VPS13A: variants seen among roughly 807,000 people sequenced by gnomAD.
VPS13A encodes the protein intermembrane lipid transfer protein VPS13A.
A neutral mutation model predicts 390.9 loss-of-function variants in VPS13A; 264 were observed. That is an observed-to-expected ratio of 0.68 (90% CI 0.61 to 0.75). The LOEUF (loss-of-function observed/expected upper bound fraction) is 0.75, where lower values mean the gene tolerates loss of function less well. Among genes scored for constraint, VPS13A ranks in the 30% least tolerant of loss-of-function variants. The pLI, the probability that VPS13A is intolerant of heterozygous loss-of-function variation, is 0.00. For missense variants in VPS13A, 3,409 were observed against 3,733.9 expected, an observed-to-expected ratio of 0.91 and a Z score of 2.27; for synonymous variants, 1,231 against 1,227.1, an observed-to-expected ratio of 1.00 and a Z score of -0.07.
At chr9:77,198,923 G>A (rs7035989) in intron 1 of VPS13A, among the ~76,000 whole-genome samples, 145,556 of 152,282 alleles carry the variant, frequency 0.96, 69,623 homozygotes, top group East Asian at 1. Flanking sequence ...TCAGCCTCTC[G>A]AAGTGCCAGG....
intron 22 of VPS13A, among the ~76,000 whole-genome samples, chr9:77,253,749 C>A (rs1587425630): frequency 6.6e-6 from 1 of 151,628 alleles, no homozygotes; most frequent in South Asian, 2.1e-4. Context: ...TTTTATTGTC[C>A]AGTTTATCTT....
chr9:77,334,224 T>A (rs929728281), intron 46 of VPS13A, among the ~76,000 whole-genome samples: 8 of 152,324 alleles, frequency 5.3e-5, no homozygotes, highest in Admixed American at 3.3e-4. Flanking sequence ...TGTTGGAAGA[T>A]AAAATTTGAA....
chr9:77,341,691 C>CTTTCTTTTTTTTTTT (rs1830824737), intron 50 of VPS13A, among the ~76,000 whole-genome samples: 1 of 37,822 alleles, frequency 2.6e-5, no homozygotes, highest in South Asian at 1.3e-3. Context: ...GACATCTTTC[C>CTTTCTTTTTTTTTTT]TTTTTTTTTT....
chr9:77,405,990 A>G lies in VPS13A; in HGVS notation c.9399+3A>G, dbSNP rs775579850. 5 of 1,613,510 alleles carry G rather than the reference A, an allele frequency of 3.1e-6. No individual in the cohort carries two copies. Among genetic ancestry groups the G allele is most frequent in the East Asian group, 2.2e-5 (1 of 44,838 alleles). ...GAAGATTGCGCATTGAAGCAAAGGT[A>G]TGTTGAATAGATTTATTTTTTGAAA... On this transcript the variant is annotated splice_donor_region_variant and intron_variant, in intron 70 of 71. Coordinates refer to ENST00000360280, the MANE Select transcript of VPS13A (RefSeq NM_033305.3).
chr9:77,227,801 C>A (rs1823606869), intron 16 of VPS13A, among the ~76,000 whole-genome samples: 1 of 151,582 alleles, frequency 6.6e-6, no homozygotes, highest in Non-Finnish European at 1.5e-5. Flanking sequence ...TCCCAAAGTG[C>A]TGGGATTATA....
At chr9:77,335,796 G>A (rs1830510393) in intron 46 of VPS13A, among the ~76,000 whole-genome samples, 1 of 152,168 alleles carries the variant, frequency 6.6e-6, no homozygotes. Flanking sequence ...ACAATGTGGT[G>A]ATTCCTCAAG....
At position 77,356,719 on chromosome 9, in the gene VPS13A, A is replaced by T. The variant is rs758912053; in HGVS notation, c.7658A>T (p.Asp2553Val). 84 of 1,610,800 alleles carry T rather than the reference A, an allele frequency of 5.2e-5. No homozygotes were observed. Among genetic ancestry groups the T allele is most frequent in the Non-Finnish European group, 7.0e-5 (82 of 1,178,138 alleles). Residue 2553 changes from aspartate (D) to valine (V), a missense_variant, in exon 55 of 72, where the codon GAT becomes GTT. Physicochemically the swap from Asp to Val is radical, Grantham distance 152. Transcript: ENST00000360280. ...TTTTTGCTTTCTTAAATAAGTTCTGATGTGGTTTGGGAAACAAAGCCCAAG... is the reference window on the plus strand; with the variant it reads ...TTTTTGCTTTCTTAAATAAGTTCTGTTGTGGTTTGGGAAACAAAGCCCAAG... ...EVAYIGITSS[D>V]VVWETKPKKK...
intron 7 of VPS13A, chr9:77,211,416 G>A (rs929763782): frequency 1.2e-4 from 19 of 152,188 alleles, no homozygotes; most frequent in African/African-American, 4.6e-4. Flanking sequence ...ACATTTATCT[G>A]TGTTACCACA....
At position 77,206,012 on chromosome 9, in the gene VPS13A, A is replaced by C; in HGVS notation, c.318A>C (p.Gln106His). The C allele has an allele frequency of 6.3e-7, 1 of 1,583,350 alleles. No homozygotes were observed. Among genetic ancestry groups the C allele is most frequent in the East Asian group, 2.3e-5 (1 of 44,158 alleles). The change falls in exon 5 of 72, where the codon CAA (glutamine) becomes CAC (histidine). Residue 106 changes from glutamine (Q) to histidine (H), a missense_variant. Coordinates refer to ENST00000360280, the MANE Select transcript of VPS13A (RefSeq NM_033305.3). ...ATGATCCTTTAAAAGAAGAGAAACA[A>C]CTCATGGAAGCAAAGCAACAGGAAC... The part of the protein sequence containing the change: ...IKYDPLKEEK[Q>H]LMEAKQQELK...
chr9:77,241,203 C>G (rs1313308807), intron 19 of VPS13A, among the ~76,000 whole-genome samples: 4 of 152,042 alleles, frequency 2.6e-5, no homozygotes. Flanking sequence ...CTGTATCCTG[C>G]TTTCTTTCCA....
chr9:77,369,730 A>G (rs1286506434), intron 63 of VPS13A, among the ~76,000 whole-genome samples: 1 of 152,194 alleles, frequency 6.6e-6, no homozygotes. Context: ...TAATCATGCA[A>G]ACTGACACCT....
intron 10 of VPS13A, among the ~76,000 whole-genome samples, chr9:77,217,989 A>G (rs1822960099): frequency 6.6e-6 from 1 of 151,938 alleles, no homozygotes; most frequent in African/African-American, 2.4e-5. Flanking sequence ...TGTCTTTTTA[A>G]TAAAAAAGAC....
At chr9:77,301,053 G>A (rs890693295) in intron 33 of VPS13A, among the ~76,000 whole-genome samples, 2 of 152,206 alleles carry the variant, frequency 1.3e-5, no homozygotes, top group African/African-American at 2.4e-5. Flanking sequence ...GAGCACGTAG[G>A]AAAGGTGTAT....
At chr9:77,369,952 G>A (rs1832655403) in intron 63 of VPS13A, among the ~76,000 whole-genome samples, 1 of 152,204 alleles carries the variant, frequency 6.6e-6, no homozygotes, top group South Asian at 2.1e-4. Flanking sequence ...CTTATCAAGA[G>A]TAGTTTGAAC....
intron 17 of VPS13A, among the ~76,000 whole-genome samples, chr9:77,234,170 G>GTTAA (rs1191969881): frequency 6.6e-6 from 1 of 152,022 alleles, no homozygotes; most frequent in Non-Finnish European, 1.5e-5. Flanking sequence ...AGATATTTAA[G>GTTAA]TTAATTAATT....
chr9:77,210,437 G>A (rs1340150691), intron 6 of VPS13A, among the ~76,000 whole-genome samples, 179 bp from the exon 7 acceptor site: 1 of 136,542 alleles, frequency 7.3e-6, no homozygotes, highest in African/African-American at 2.7e-5. Context: ...TTTTGTAGAG[G>A]CAGGATCTCA....
In VPS13A at chr9:77,340,550, G is replaced by A; in HGVS notation, c.7026G>A (p.Gln2342=). 1 of 1,612,196 alleles carries A rather than the reference G, an allele frequency of 6.2e-7. No individual in the cohort carries two copies. The highest frequency in any genetic ancestry group is 1.1e-5 in the South Asian group (1 of 91,022). The change falls in exon 50 of 72, where the codon CAG becomes CAA. Residue 2342 remains glutamine (Q), a splice_region_variant and synonymous_variant. Coordinates refer to ENST00000360280, the MANE Select transcript of VPS13A (RefSeq NM_033305.3). ...AATGGCTCTCTCTTGATTTGGAGCA[G>A]GTGGGTAGATGAATTTCAAAAATAT... ...NDKWLSLDLE[Q]CIPFWPEYAS...
At position 77,365,037 on chromosome 9, in the gene VPS13A, T is replaced by A. The variant is rs528151831; in HGVS notation, c.8212-423T>A. Among the ~76,000 whole-genome samples the A allele has an allele frequency of 5.3e-5, 8 of 152,296 alleles. No individual in the cohort carries two copies. The East Asian group carries it at 1.5e-3, about 29-fold the overall frequency. On this transcript the variant is annotated intron_variant, in intron 59 of 71. Coordinates refer to ENST00000360280, the MANE Select transcript of VPS13A (RefSeq NM_033305.3). ...AAACCACCAATCAATTAATGCAAAA[T>A]TGTTTTCAACACCTTCTTTATTTTA...
chr9:77,281,885 G>A lies in VPS13A; in HGVS notation c.2923G>A (p.Asp975Asn), dbSNP rs768524679. Residue 975 changes from aspartate (D) to asparagine (N), a missense_variant, in exon 28 of 72, where the codon GAC becomes AAC. By Grantham distance (23) the Asp-to-Asn change is conservative. Transcript: ENST00000360280. The stretch of plus-strand genomic sequence containing the variant: ...TGGATAGGCTGAAAAGAATGTACCC[G>A]ACTTGAAAAGTACCTATAACAATGT... The part of the protein sequence containing the change: ...EYVKAEKNVP[D>N]LKSTYNNVLQ... The A allele has an allele frequency of 1.9e-6, 3 of 1,604,038 alleles. No homozygotes were observed. Among genetic ancestry groups the A allele is most frequent in the Admixed American group, 1.7e-5 (1 of 59,942 alleles).
Sources: gnomAD v4.1 joint callset for allele counts (sites outside exome capture counted in the v4.1 genomes callset) on GRCh38, gnomAD v4.1.1 for gene constraint, MANE v1.5 for transcripts, NCBI Gene and HGNC (gene_info 2026-07-23, HGNC 2026-07-21) for gene names.